ESYT3: variants seen among roughly 807,000 people sequenced by gnomAD.
ESYT3 encodes the protein extended synaptotagmin-3.
In ESYT3, 101 loss-of-function variants were observed where a neutral mutation model predicts 111.5. The observed-to-expected ratio is 0.91, with a 90% CI of 0.77 to 1.07. The LOEUF is 1.07. Ranked by LOEUF, ESYT3 falls within the 50% of genes least tolerant of loss-of-function variation. ESYT3 has a pLI of 0.00. For missense variants in ESYT3, 1,097 were observed against 1,109.4 expected, an observed-to-expected ratio of 0.99 and a Z score of 0.16; for synonymous variants, 416 against 446.8, an observed-to-expected ratio of 0.93 and a Z score of 0.87.
intron 20 of ESYT3, 71 bp from the exon 21 acceptor site, chr3:138,476,152 A>G: frequency 9.9e-7 from 1 of 1,014,100 alleles, no homozygotes; most frequent in Non-Finnish European, 1.6e-6. Context: ...AGGGAAATGG[A>G]TGAAGCACTT....
At position 138,479,232 on chromosome 3, in the gene ESYT3, A is replaced by G. The variant is rs2033617752; in HGVS notation, c.*2378A>G. The G allele has an allele frequency of 6.6e-6, 1 of 152,234 alleles. No individual in the cohort carries two copies. The highest frequency in any genetic ancestry group is 1.5e-5 in the Non-Finnish European group (1 of 68,042). 9.4% of individuals were successfully genotyped at this position (152,234 alleles called of 1,614,324 possible). A position where few individuals can be genotyped will look rare whatever the true frequency, so the allele number is the denominator to read the frequency against. The stretch of plus-strand genomic sequence containing the variant: ...GAAAGCAAAGAAATCCATAAAATAC[A>G]TTGGCAAACCTAAGCAAGTTTTGAT... On this transcript the variant is annotated 3_prime_UTR_variant, in exon 23 of 23. Coordinates refer to ENST00000389567, the MANE Select transcript of ESYT3 (RefSeq NM_031913.5).
chr3:138,458,698 G>C (rs71312581), intron 4 of ESYT3, among the ~76,000 whole-genome samples: 32 of 152,328 alleles, frequency 2.1e-4, no homozygotes, highest in South Asian at 1.2e-3. Context: ...GCTGAAGCCT[G>C]ACGCCTTGTT....
intron 1 of ESYT3, among the ~76,000 whole-genome samples, chr3:138,447,511 C>A (rs998589200): frequency 1.3e-5 from 2 of 152,150 alleles, no homozygotes; most frequent in Admixed American, 6.5e-5. Context: ...GGATTTTATA[C>A]CTTTGAATTG....
Position 138,472,818 on chromosome 3 carries a change from CTCT to C in ESYT3, c.2201_2203del (p.Ser734del). On this transcript the variant is annotated inframe_deletion, in exon 18 of 23. Transcript: ENST00000389567. ...GCATGTCCTCGCTCAACTCCTTGGC[CTCT>C]TCTTGCTTTGACCTGGCAGATATCA... The C allele has an allele frequency of 1.9e-6, 3 of 1,614,202 alleles. No individual in the cohort carries two copies. The highest frequency in any genetic ancestry group is 2.5e-6 in the Non-Finnish European group (3 of 1,180,028).
chr3:138,447,962 GA>G (rs2031653674), intron 1 of ESYT3, among the ~76,000 whole-genome samples: 1 of 151,844 alleles, frequency 6.6e-6, no homozygotes, highest in African/African-American at 2.4e-5. Flanking sequence ...GTGTGAGAAA[GA>G]AAAAGCAAAA....
Position 138,457,647 on chromosome 3 carries a change from G to A in ESYT3, c.581+3G>A. On this transcript the variant is annotated splice_donor_region_variant and intron_variant, in intron 4 of 22. Transcript: ENST00000389567. ...GTGACTGTGGACCTGCAGATCTGGT[G>A]AGCTCTATCGGGCTGGGTATGGGCT... 6.2e-7 allele frequency: 1 copy of A among 1,614,150 alleles called. No individual in the cohort carries two copies. Among genetic ancestry groups the A allele is most frequent in the Non-Finnish European group, 8.5e-7 (1 of 1,180,016 alleles).
At chr3:138,471,103 A>C in intron 17 of ESYT3, 77 bp downstream of exon 17, 1 of 1,210,808 alleles carries the variant, frequency 8.3e-7, no homozygotes, top group Non-Finnish European at 1.2e-6. Context: ...CCCCAGCACT[A>C]AGCACCTGCT....
intron 3 of ESYT3, among the ~76,000 whole-genome samples, chr3:138,457,119 C>T (rs1031835529): frequency 2.6e-5 from 4 of 152,204 alleles, no homozygotes; most frequent in African/African-American, 9.7e-5. Context: ...TCTTCACACA[C>T]CCATGAACAT....
At position 138,478,829 on chromosome 3, in the gene ESYT3, G is replaced by A. The variant is rs2033601361; in HGVS notation, c.*1975G>A. ...GGACAAGAATTGGTTTTCAGCAGTG[G>A]GTGGAAACAATCAGCTAATATGCAG... is the stretch of plus-strand genomic sequence containing the variant. On this transcript the variant is annotated 3_prime_UTR_variant, in exon 23 of 23. Transcript: ENST00000389567. The A allele has an allele frequency of 1.3e-5, 2 of 152,180 alleles. No homozygotes were observed. The highest frequency in any genetic ancestry group is 2.9e-5 in the Non-Finnish European group (2 of 68,050). 9.4% of individuals were successfully genotyped at this position (152,180 alleles called of 1,614,324 possible).
chr3:138,462,066 T>G lies in ESYT3; in HGVS notation c.795-20T>G. On this transcript the variant is annotated intron_variant, in intron 7 of 22. Coordinates refer to ENST00000389567, the MANE Select transcript of ESYT3 (RefSeq NM_031913.5). ...GGAGGCAGTGCCACCCCTCCACAGC[T>G]GGTCCTGCCTTGTGTCCAGTGATGT... 1 of 1,613,740 alleles carries G rather than the reference T, an allele frequency of 6.2e-7. No individual in the cohort carries two copies. Among genetic ancestry groups the G allele is most frequent in the Non-Finnish European group, 8.5e-7 (1 of 1,179,918 alleles).
intron 3 of ESYT3, among the ~76,000 whole-genome samples, chr3:138,456,122 A>G (rs935791608): frequency 2.6e-5 from 4 of 152,252 alleles, no homozygotes; most frequent in Non-Finnish European, 2.9e-5. Context: ...TGGATTAGGC[A>G]GGCCTGAGCC....
At chr3:138,467,662 T>TG in intron 11 of ESYT3, 53 bp downstream of exon 11, 1 of 1,560,214 alleles carries the variant, frequency 6.4e-7, no homozygotes, top group Non-Finnish European at 8.8e-7. Context: ...CCCTTTCCTG[T>TG]GGACAGCTCC....
intron 17 of ESYT3, 140 bp downstream of exon 17, chr3:138,471,166 A>G (rs2033200859): frequency 1.5e-6 from 1 of 685,326 alleles, no homozygotes. Flanking sequence ...CAATTTTGAA[A>G]TACTGAATGG....
chr3:138,456,466 G>A (rs894277099), intron 3 of ESYT3, among the ~76,000 whole-genome samples: 1 of 152,216 alleles, frequency 6.6e-6, no homozygotes, highest in Non-Finnish European at 1.5e-5. Flanking sequence ...GAAGCTTGCA[G>A]GGTGCTGTGT....
Position 138,476,206 on chromosome 3 carries a change from C to T in ESYT3, c.2469-17C>T, listed in dbSNP as rs760222146. 6.6e-6 allele frequency: 10 copies of T among 1,513,718 alleles called. No individual in the cohort carries two copies. The African/African-American group carries it at 1.1e-4, about 17-fold the overall frequency. The allele number at this position is 1,513,718 out of a possible 1,614,324, so 93.8% of individuals were successfully genotyped here. On this transcript the variant is annotated splice_polypyrimidine_tract_variant and intron_variant, in intron 20 of 22. Coordinates refer to ENST00000389567, the MANE Select transcript of ESYT3 (RefSeq NM_031913.5). ...GAATGAAATGCATAATTCTCACTTC[C>T]TTTTTGCTTCCTAAAGATTTGAATT...
chr3:138,435,147 TG>T lies in ESYT3; in HGVS notation c.327+25del. On this transcript the variant is annotated intron_variant, in intron 1 of 22. Coordinates refer to ENST00000389567, the MANE Select transcript of ESYT3 (RefSeq NM_031913.5). This position sits in a 1 kb window ranked among gnomAD's most constrained non-coding sequence, Gnocchi z 4.8. Reference sequence around the variant, plus strand: ...CTGGGTGAGCCAAGCCGGGTGGGAGTGGGAGGTGGGGAGATGCCTTTCGAGG... The same window carrying T: ...CTGGGTGAGCCAAGCCGGGTGGGAGTGGAGGTGGGGAGATGCCTTTCGAGG... 6.5e-7 allele frequency: 1 copy of T among 1,543,714 alleles called. No homozygotes were observed.
chr3:138,441,641 A>G (rs1176634931), intron 1 of ESYT3, among the ~76,000 whole-genome samples: 1 of 151,956 alleles, frequency 6.6e-6, no homozygotes, highest in Non-Finnish European at 1.5e-5. Context: ...TCCCCCTCCC[A>G]CTACTCCCAG....
intron 3 of ESYT3, among the ~76,000 whole-genome samples, chr3:138,455,914 C>A (rs559625877): frequency 6.6e-6 from 1 of 152,334 alleles, no homozygotes; most frequent in South Asian, 2.1e-4. Flanking sequence ...GTGCCCTACG[C>A]CTCCTGCCTC....
At position 138,465,351 on chromosome 3, in the gene ESYT3, G is replaced by A. The variant is rs775152608; in HGVS notation, c.1099G>A (p.Glu367Lys). 7 of 1,592,504 alleles carry A rather than the reference G, an allele frequency of 4.4e-6. No individual in the cohort carries two copies. Among genetic ancestry groups the A allele is most frequent in the African/African-American group, 4.0e-5 (3 of 74,720 alleles). ...WNEVFEFMVY[E>K]VPGQDLEVDL... ...TTTTTCCTTCCAGTTCATGGTGTAC[G>A]AAGTCCCTGGACAGGACCTGGAGGT... The change falls in exon 10 of 23, where the codon GAA (glutamate) becomes AAA (lysine). Residue 367 changes from glutamate (E) to lysine (K), a missense_variant. Transcript: ENST00000389567.
Sources: gnomAD v4.1 joint callset for allele counts (sites outside exome capture counted in the v4.1 genomes callset) on GRCh38, gnomAD v4.1.1 for gene constraint, Gnocchi (gnomAD v3.1) non-coding constraint, MANE v1.5 for transcripts, NCBI Gene and HGNC (gene_info 2026-07-23, HGNC 2026-07-21) for gene names.